Variants in DIS3L2 observed in about 807,000 individuals in gnomAD.
The protein encoded by DIS3L2 is DIS3-like exonuclease 2.
In DIS3L2, 34 loss-of-function variants were observed where a neutral mutation model predicts 97.5. The ratio of observed to expected loss-of-function variants is 0.35; its 90% CI spans 0.27 to 0.46. DIS3L2 has a LOEUF of 0.46. Among genes scored for constraint, DIS3L2 ranks in the 20% least tolerant of loss-of-function variants. The probability of loss-of-function intolerance (pLI) is 1.00; values close to 1 mark genes in which losing one functional copy is unlikely to be tolerated. For synonymous variants in DIS3L2, 435 were observed against 445.2 expected, an observed-to-expected ratio of 0.98 and a Z score of 0.29; for missense variants, 1,038 against 1,146.0, an observed-to-expected ratio of 0.91 and a Z score of 1.36.
intron 10 of DIS3L2, among the ~76,000 whole-genome samples, chr2:232,217,723 C>A (rs190598843): frequency 2.0e-5 from 3 of 152,096 alleles, no homozygotes; most frequent in Non-Finnish European, 2.9e-5. Flanking sequence ...TTGCCTAGGG[C>A]GAGGTATGGG....
intron 3 of DIS3L2, among the ~76,000 whole-genome samples, chr2:232,019,781 A>G (rs951231229): frequency 6.6e-6 from 1 of 151,996 alleles, no homozygotes; most frequent in Non-Finnish European, 1.5e-5. Flanking sequence ...CTCAGTGCCA[A>G]GCGTATACCA....
intron 9 of DIS3L2, among the ~76,000 whole-genome samples, chr2:232,195,840 C>G (rs1435220325): frequency 6.6e-6 from 1 of 152,120 alleles, no homozygotes; most frequent in Non-Finnish European, 1.5e-5. Flanking sequence ...GGCTGCATAT[C>G]TCTTAAACCA....
At chr2:231,981,691 G>A (rs1418476792) in intron 1 of DIS3L2, among the ~76,000 whole-genome samples, 1 of 141,506 alleles carries the variant, frequency 7.1e-6, no homozygotes, top group Non-Finnish European at 1.5e-5. Context: ...GTTAACATAT[G>A]TTTATTTTAA....
intron 6 of DIS3L2, among the ~76,000 whole-genome samples, chr2:232,126,076 T>C (rs1170962988): frequency 6.6e-6 from 1 of 152,328 alleles, no homozygotes; most frequent in African/African-American, 2.4e-5. Flanking sequence ...ATTATCTTAA[T>C]TTGGGTTCTG....
intron 14 of DIS3L2, among the ~76,000 whole-genome samples, chr2:232,300,520 C>G (rs772046611): frequency 6.6e-6 from 1 of 152,124 alleles, no homozygotes; most frequent in Non-Finnish European, 1.5e-5. Flanking sequence ...TTGTGATTAT[C>G]TACCTTGTAA....
chr2:232,071,737 A>C (rs1474167355), intron 5 of DIS3L2, among the ~76,000 whole-genome samples: 1 of 152,190 alleles, frequency 6.6e-6, no homozygotes, highest in Non-Finnish European at 1.5e-5. Context: ...ACGAGGTCTC[A>C]CTATGTTGCC....
intron 5 of DIS3L2, among the ~76,000 whole-genome samples, chr2:232,063,004 C>T (rs1445646961): frequency 6.6e-6 from 1 of 152,094 alleles, no homozygotes. Context: ...TTACTGTTCA[C>T]ATTATATTTA....
intron 13 of DIS3L2, among the ~76,000 whole-genome samples, chr2:232,264,391 T>C (rs1693801021): frequency 6.6e-6 from 1 of 152,238 alleles, no homozygotes; most frequent in Non-Finnish European, 1.5e-5. Flanking sequence ...CTGGCAGCCC[T>C]CTGGGACTTA....
At position 232,263,310 on chromosome 2, in the gene DIS3L2, C is replaced by T. The variant is rs377321022; in HGVS notation, c.1529C>T (p.Ala510Val). 16 of 1,614,068 alleles carry T rather than the reference C, an allele frequency of 9.9e-6. No individual in the cohort carries two copies. Among genetic ancestry groups the T allele is most frequent in the African/African-American group, 9.3e-5 (7 of 74,922 alleles). ...GAAAGCCCAACTGAGAAAATCCCTG[C>T]GAAAGAGCTGCCCCCCATTTCCCCA... ...MIESPTEKIP[A>V]KELPPISPEH... is the part of the protein sequence containing the mutation. Residue 510 changes from alanine (A) to valine (V), a missense_variant, in exon 13 of 21, where the codon GCG becomes GTG. Transcript: ENST00000325385.
intron 14 of DIS3L2, among the ~76,000 whole-genome samples, chr2:232,318,588 A>G (rs1331388819): frequency 6.6e-6 from 1 of 152,166 alleles, no homozygotes; most frequent in Non-Finnish European, 1.5e-5. Context: ...AGTGGCTCTC[A>G]GTGTTGTGAG....
chr2:232,064,434 C>G (rs1695797282), intron 5 of DIS3L2, among the ~76,000 whole-genome samples: 1 of 152,174 alleles, frequency 6.6e-6, no homozygotes, highest in African/African-American at 2.4e-5. Context: ...TACCTCTTCA[C>G]CAGTTGAAGG....
intron 14 of DIS3L2, among the ~76,000 whole-genome samples, chr2:232,304,443 G>A (rs1406210835): frequency 6.6e-6 from 1 of 152,230 alleles, no homozygotes; most frequent in Non-Finnish European, 1.5e-5. Flanking sequence ...GCGCACTCCA[G>A]CACCCTGTGG....
At chr2:232,305,275 G>A (rs1319951173) in intron 14 of DIS3L2, among the ~76,000 whole-genome samples, 1 of 151,768 alleles carries the variant, frequency 6.6e-6, no homozygotes, top group Non-Finnish European at 1.5e-5. Context: ...ATGGGATTTC[G>A]CCATGTTGGC....
chr2:231,965,611 T>C (rs1253005460), intron 1 of DIS3L2, among the ~76,000 whole-genome samples: 1 of 152,202 alleles, frequency 6.6e-6, no homozygotes, highest in Non-Finnish European at 1.5e-5. Context: ...AATCATCAAA[T>C]ATAATATTTG....
At chr2:232,121,840 T>C (rs1697916970) in intron 6 of DIS3L2, among the ~76,000 whole-genome samples, 1 of 152,152 alleles carries the variant, frequency 6.6e-6, no homozygotes, top group Non-Finnish European at 1.5e-5. Context: ...CTACCTCATA[T>C]ACCTCCCCAC....
In DIS3L2 at chr2:232,188,164, G is replaced by A. The variant is rs35682328; in HGVS notation, c.1125-22162G>A. Reference sequence around the variant, plus strand: ...CAAAAAAAAGTGGAGGGGGAGGGAGGGAAACAACCCAATCAACTGTTGAAT... The same window carrying A: ...CAAAAAAAAGTGGAGGGGGAGGGAGAGAAACAACCCAATCAACTGTTGAAT... On this transcript the variant is annotated intron_variant, in intron 9 of 20. Transcript: ENST00000325385. 4.8e-3 allele frequency among the ~76,000 whole-genome samples: 723 copies of A among 151,978 alleles called. 7 individuals carry two copies. The highest frequency in any genetic ancestry group is 5.5e-3 in the Non-Finnish European group (377 of 67,958).
At chr2:232,130,849 A>C in intron 7 of DIS3L2, 130 bp downstream of exon 7, 4 of 1,321,330 alleles carry the variant, frequency 3.0e-6, no homozygotes, top group Non-Finnish European at 3.9e-6. Context: ...GAGAATCATA[A>C]AAAGTGAATT....
At chr2:232,134,147 CAAAG>C (rs1456123690) in intron 7 of DIS3L2, among the ~76,000 whole-genome samples, 2 of 151,874 alleles carry the variant, frequency 1.3e-5, no homozygotes, top group Non-Finnish European at 2.9e-5. Flanking sequence ...CCAATTTGAA[CAAAG>C]AAAGTATAGA....
intron 10 of DIS3L2, among the ~76,000 whole-genome samples, chr2:232,223,509 A>G (rs1490578247): frequency 2.6e-5 from 4 of 152,198 alleles, no homozygotes; most frequent in Non-Finnish European, 5.9e-5. Flanking sequence ...CGTAAACACA[A>G]CTTAGCTTTA....
Sources: allele counts gnomAD v4.1 joint callset (sites outside exome capture counted in the v4.1 genomes callset), GRCh38; gene constraint gnomAD v4.1.1; transcripts MANE v1.5; gene names NCBI Gene and HGNC (gene_info 2026-07-23, HGNC 2026-07-21).